The following ATRNL1 variants were observed in gnomAD, a reference collection of about 807,000 sequenced individuals.
ATRNL1 encodes attractin like 1.
A neutral mutation model predicts 182.7 loss-of-function variants in ATRNL1; 95 were observed. The observed-to-expected ratio is 0.52, with a 90% CI of 0.44 to 0.62. The LOEUF (loss-of-function observed/expected upper bound fraction) is 0.62. ATRNL1 is among the 20% of genes least tolerant of loss of function. ATRNL1 has a pLI of 0.00. For missense variants in ATRNL1, 1,471 were observed against 1,679.5 expected, an observed-to-expected ratio of 0.88 and a Z score of 2.17; for synonymous variants, 576 against 568.3, an observed-to-expected ratio of 1.01 and a Z score of -0.19.
intron 10 of ATRNL1, among the ~76,000 whole-genome samples, chr10:115,258,121 G>A (rs1436714509): frequency 6.6e-6 from 1 of 152,094 alleles, no homozygotes; most frequent in Non-Finnish European, 1.5e-5. Context: ...TCTTTGTGGT[G>A]TTCTCTGTAT....
chr10:115,867,153 C>T (rs11598532), intron 28 of ATRNL1, among the ~76,000 whole-genome samples: 30,488 of 151,990 alleles, frequency 0.2, 3,152 homozygotes, highest in African/African-American at 0.23. Flanking sequence ...AAAATAAAGC[C>T]ATATTTGTCC....
intron 19 of ATRNL1, among the ~76,000 whole-genome samples, chr10:115,382,316 C>G (rs951840626): frequency 2.2e-4 from 34 of 152,022 alleles, no homozygotes; most frequent in Admixed American, 9.2e-4. Flanking sequence ...TCTTCTTATC[C>G]ATGAACATGG....
chr10:115,406,088 A>G (rs1314522223), intron 20 of ATRNL1, among the ~76,000 whole-genome samples: 3 of 151,844 alleles, frequency 2.0e-5, no homozygotes, highest in African/African-American at 7.3e-5. Context: ...AATCCAGTCT[A>G]TCATTGTTGG....
chr10:115,677,293 T>C (rs1240306710), intron 26 of ATRNL1, among the ~76,000 whole-genome samples: 4 of 152,086 alleles, frequency 2.6e-5, no homozygotes, highest in African/African-American at 9.7e-5. Context: ...TTTATTTTGC[T>C]AACACTTTGA....
intron 26 of ATRNL1, among the ~76,000 whole-genome samples, chr10:115,646,917 A>T (rs1213632393): frequency 2.4e-4 from 36 of 148,642 alleles, no homozygotes; most frequent in African/African-American, 8.6e-4. Flanking sequence ...TACATTAGGT[A>T]TATCTCCTAA....
At chr10:115,248,648 A>G (rs1850744822) in intron 10 of ATRNL1, among the ~76,000 whole-genome samples, 2 of 152,286 alleles carry the variant, frequency 1.3e-5, no homozygotes, top group South Asian at 4.1e-4. Context: ...AATGAATGCC[A>G]GGGGACAATT....
At chr10:115,166,592 T>C (rs1554884410) in intron 7 of ATRNL1, among the ~76,000 whole-genome samples, 1 of 152,094 alleles carries the variant, frequency 6.6e-6, no homozygotes, top group Non-Finnish European at 1.5e-5. Context: ...TTTTGTTTTT[T>C]TGATAATTGA....
At chr10:115,338,341 T>C (rs1855589898) in intron 19 of ATRNL1, among the ~76,000 whole-genome samples, 1 of 152,218 alleles carries the variant, frequency 6.6e-6, no homozygotes, top group Non-Finnish European at 1.5e-5. Context: ...TGTACTAATT[T>C]ACATTCTCAC....
chr10:115,192,972 G>A (rs1848225775), intron 8 of ATRNL1, among the ~76,000 whole-genome samples: 1 of 151,874 alleles, frequency 6.6e-6, no homozygotes, highest in South Asian at 2.1e-4. Flanking sequence ...AGTTTTTGGA[G>A]TCTTTAGGTT....
At chr10:115,721,715 G>T (rs1422510927) in intron 26 of ATRNL1, among the ~76,000 whole-genome samples, 6 of 152,170 alleles carry the variant, frequency 3.9e-5, no homozygotes, top group Non-Finnish European at 5.9e-5. Flanking sequence ...TACAATTCAA[G>T]TTGAGATTTG....
rs373030778 is a variant in ATRNL1 at position 115,395,695 on chromosome 10, C to A, written c.3269+943C>A. 5.3e-5 allele frequency among the ~76,000 whole-genome samples: 8 copies of A among 151,480 alleles called. No individual in the cohort carries two copies. In the East Asian group the frequency reaches 1.4e-3, roughly 26 times the overall value. On this transcript the variant is annotated intron_variant, in intron 20 of 28. Coordinates refer to ENST00000355044, the MANE Select transcript of ATRNL1 (RefSeq NM_207303.4). ...AGTATGCAGGAACCCTCTACTGCTA[C>A]TCTCCTCTCTGTACTTTCATGAATG... is the stretch of plus-strand genomic sequence containing the variant.
chr10:115,539,275 C>G (rs1375233426), intron 25 of ATRNL1, among the ~76,000 whole-genome samples: 1 of 104,374 alleles, frequency 9.6e-6, no homozygotes, highest in African/African-American at 3.8e-5. Flanking sequence ...AAGGAAAAAC[C>G]TTTCCATTTT....
intron 27 of ATRNL1, among the ~76,000 whole-genome samples, chr10:115,835,018 A>G (rs1338157609): frequency 6.6e-6 from 1 of 152,114 alleles, no homozygotes. Context: ...CCACTTCTCA[A>G]GGGAGTGCTC....
intron 28 of ATRNL1, among the ~76,000 whole-genome samples, chr10:115,858,911 G>T (rs782601138): frequency 2.6e-5 from 4 of 152,024 alleles, no homozygotes; most frequent in Non-Finnish European, 5.9e-5. Flanking sequence ...TAGAGTCTCG[G>T]TGACTTAAAC....
chr10:115,235,520 A>AT (rs1295374633), intron 9 of ATRNL1, among the ~76,000 whole-genome samples: 24 of 149,512 alleles, frequency 1.6e-4, no homozygotes, highest in East Asian at 5.9e-4. Context: ...ACTTATTGTA[A>AT]TTTTTTTTTT....
intron 8 of ATRNL1, among the ~76,000 whole-genome samples, chr10:115,177,974 A>G (rs1554887117): frequency 7.7e-6 from 1 of 129,224 alleles, no homozygotes; most frequent in Non-Finnish European, 1.6e-5. Context: ...GCTGGAATGC[A>G]GTGGCACGAT....
intron 26 of ATRNL1, among the ~76,000 whole-genome samples, chr10:115,611,012 A>T (rs1356727399): frequency 6.6e-6 from 1 of 151,956 alleles, no homozygotes; most frequent in East Asian, 1.9e-4. Context: ...TAGAGTTTCA[A>T]AATATGAATC....
chr10:115,412,721 C>T (rs1845204124), intron 20 of ATRNL1, among the ~76,000 whole-genome samples: 2 of 152,030 alleles, frequency 1.3e-5, no homozygotes, highest in African/African-American at 4.8e-5. Context: ...TAAGACTTTT[C>T]CTAGAACAGA....
chr10:115,723,019 A>G (rs1947478752), intron 26 of ATRNL1, among the ~76,000 whole-genome samples: 1 of 152,244 alleles, frequency 6.6e-6, no homozygotes, highest in African/African-American at 2.4e-5. Flanking sequence ...ACTATATTTT[A>G]TTCACTCATT....
Sources: allele counts gnomAD v4.1 joint callset (sites outside exome capture counted in the v4.1 genomes callset), GRCh38; gene constraint gnomAD v4.1.1; transcripts MANE v1.5; gene names NCBI Gene and HGNC (gene_info 2026-07-23, HGNC 2026-07-21).